Variants in EIF4E3 observed in about 807,000 individuals in gnomAD.
EIF4E3 encodes the protein eukaryotic translation initiation factor 4E family member 3.
A neutral mutation model predicts 31.7 loss-of-function variants in EIF4E3; 26 were observed. The observed-to-expected ratio is 0.82, with a 90% CI of 0.60 to 1.14. The LOEUF is 1.14. EIF4E3 is among the 50% of genes most tolerant of loss of function. The pLI is 0.00. For synonymous variants in EIF4E3, 128 were observed against 107.7 expected, an observed-to-expected ratio of 1.19 and a Z score of -1.17; for missense variants, 304 against 270.9, an observed-to-expected ratio of 1.12 and a Z score of -0.86.
At chr3:71,711,031 G>C (rs2049371222) in intron 1 of EIF4E3, among the ~76,000 whole-genome samples, 1 of 152,198 alleles carries the variant, frequency 6.6e-6, no homozygotes, top group Admixed American at 6.5e-5. Flanking sequence ...AATACTTTCA[G>C]TTCTTTTCTC....
intron 1 of EIF4E3, among the ~76,000 whole-genome samples, chr3:71,744,279 A>C (rs1381942247): frequency 6.6e-6 from 1 of 152,220 alleles, no homozygotes; most frequent in African/African-American, 2.4e-5. Flanking sequence ...TTATTGAAAA[A>C]ATATGGCAGG....
intron 3 of EIF4E3, 152 bp downstream of exon 3, chr3:71,699,462 G>T: frequency 1.4e-6 from 1 of 702,602 alleles, no homozygotes; most frequent in Non-Finnish European, 2.5e-6. Context: ...TAAAGAAGGA[G>T]GACACTTACC....
upstream of EIF4E3, chr3:71,754,029 G>T (rs770012002): frequency 6.9e-6 from 8 of 1,166,278 alleles, no homozygotes; most frequent in African/African-American, 1.3e-4. The surrounding 1 kb of genome is among the most constrained non-coding windows in gnomAD (Gnocchi z 5.8). Flanking sequence ...GGGGCGGAGC[G>T]CACGGCCTGG....
chr3:71,684,589 C>G lies in EIF4E3; in HGVS notation c.*93G>C. 1.3e-6 allele frequency: 2 copies of G among 1,502,974 alleles called. No individual in the cohort carries two copies. The highest frequency in any genetic ancestry group is 3.5e-5 in the Admixed American group (2 of 57,624). The allele number at this position is 1,502,974 out of a possible 1,614,324, so 93.1% of individuals were successfully genotyped here. ...AAACCCACTCTAAATTGACCAGCAT[C>G]GGCTTCGGCAAGTCTTCTCTTCACT... On this transcript the variant is annotated 3_prime_UTR_variant, in exon 7 of 7. Coordinates refer to ENST00000425534, the MANE Select transcript of EIF4E3 (RefSeq NM_001134651.2).
chr3:71,714,522 T>C (rs1292181146), intron 1 of EIF4E3, among the ~76,000 whole-genome samples: 1 of 152,114 alleles, frequency 6.6e-6, no homozygotes, highest in Admixed American at 6.5e-5. Context: ...TGGTAGTAAA[T>C]ACTTGGCGGG....
At chr3:71,743,159 GAAAA>G (rs752727197) in intron 1 of EIF4E3, among the ~76,000 whole-genome samples, 34 of 151,942 alleles carry the variant, frequency 2.2e-4, no homozygotes, top group Non-Finnish European at 4.7e-4. Context: ...AACAAGGCAA[GAAAA>G]AGAAATAAAA....
intron 1 of EIF4E3, among the ~76,000 whole-genome samples, chr3:71,742,987 G>C (rs988690424): frequency 2.6e-5 from 4 of 152,126 alleles, no homozygotes; most frequent in African/African-American, 9.7e-5. Flanking sequence ...AGTAGGAATG[G>C]AAGGGAACTT....
At chr3:71,744,270 T>C (rs190057720) in intron 1 of EIF4E3, among the ~76,000 whole-genome samples, 24 of 152,246 alleles carry the variant, frequency 1.6e-4, no homozygotes, top group African/African-American at 5.5e-4. Context: ...ATAAATGATT[T>C]ATTGAAAAAA....
upstream of EIF4E3, chr3:71,754,280 G>A (rs1179323067): frequency 4.3e-6 from 5 of 1,165,870 alleles, no homozygotes; most frequent in Admixed American, 4.2e-5. This position sits in a 1 kb window ranked among gnomAD's most constrained non-coding sequence, Gnocchi z 5.8. Context: ...CCGTCATGCT[G>A]GCGGCGCGGC....
intron 1 of EIF4E3, among the ~76,000 whole-genome samples, chr3:71,712,644 G>GGGGGGGGGGGGGGGGC (rs35405190): frequency 2.4e-5 from 3 of 123,988 alleles, no homozygotes; most frequent in Non-Finnish European, 4.9e-5. Flanking sequence ...GTGGGCGGGG[G>GGGGGGGGGGGGGGGGC]AGATTCTAGG....
chr3:71,713,004 T>G (rs1162555797), intron 1 of EIF4E3, among the ~76,000 whole-genome samples: 1 of 152,086 alleles, frequency 6.6e-6, no homozygotes, highest in Non-Finnish European at 1.5e-5. Flanking sequence ...ATTATCCAGG[T>G]TTTTTGAAGA....
rs1312067267 is a variant in EIF4E3, at chr3:71,679,907, TATAGA to T, written c.*4770_*4774del. ...CTGAACCCCAGATGCCATAAGACAT[TATAGA>T]AAAGTAGTTACTGCACATATGGAGT... is the stretch of plus-strand genomic sequence containing the variant. On this transcript the variant is annotated 3_prime_UTR_variant, in exon 7 of 7. Transcript: ENST00000425534. 1 of 152,188 alleles carries T rather than the reference TATAGA, an allele frequency of 6.6e-6. No individual in the cohort carries two copies. Among genetic ancestry groups the T allele is most frequent in the East Asian group, 1.9e-4 (1 of 5,200 alleles). 9.4% of individuals were successfully genotyped at this position (152,188 alleles called of 1,614,324 possible).
At position 71,682,866 on chromosome 3, in the gene EIF4E3, C is replaced by A. The variant is rs1427367063; in HGVS notation, c.*1816G>T. The A allele has an allele frequency of 1.3e-5, 2 of 152,486 alleles. No homozygotes were observed. Among genetic ancestry groups the A allele is most frequent in the Non-Finnish European group, 2.9e-5 (2 of 68,006 alleles). The allele number at this position is 152,486 out of a possible 1,614,324, so 9.4% of individuals were successfully genotyped here. On this transcript the variant is annotated 3_prime_UTR_variant, in exon 7 of 7. Coordinates refer to ENST00000425534, the MANE Select transcript of EIF4E3 (RefSeq NM_001134651.2). ...CATTTACTTATGGAAATATACATGA[C>A]AATTAGAGTGAAGTCAATTATATCC... is the stretch of plus-strand genomic sequence containing the variant.
chr3:71,660,793 C>G, the EIF4E3 span, among the ~76,000 whole-genome samples: 1 of 152,154 alleles, frequency 6.6e-6, no homozygotes, highest in South Asian at 2.1e-4. Flanking sequence ...AAGGAGATGT[C>G]GTTTTTGGAA....
intron 1 of EIF4E3, among the ~76,000 whole-genome samples, chr3:71,751,700 T>C (rs558705630): frequency 6.6e-6 from 1 of 152,260 alleles, no homozygotes; most frequent in South Asian, 2.1e-4. Context: ...TTGTTTATAA[T>C]GTAGGGCTTC....
At chr3:71,711,610 A>G (rs924679788) in intron 1 of EIF4E3, among the ~76,000 whole-genome samples, 6 of 152,230 alleles carry the variant, frequency 3.9e-5, no homozygotes, top group Admixed American at 3.3e-4. Context: ...AGGTTGGGGT[A>G]AGCACAGCAA....
chr3:71,746,942 G>A (rs1417299197), intron 1 of EIF4E3, among the ~76,000 whole-genome samples: 6 of 152,310 alleles, frequency 3.9e-5, no homozygotes, highest in Non-Finnish European at 7.3e-5. Flanking sequence ...GTTCATCCAC[G>A]CTGGAGCATC....
chr3:71,726,274 G>GGGA (rs1359421975), upstream of EIF4E3, among the ~76,000 whole-genome samples: 1 of 152,146 alleles, frequency 6.6e-6, no homozygotes, highest in Non-Finnish European at 1.5e-5. Flanking sequence ...CCGGCGAGTC[G>GGGA]GGAGGAGGAA....
chr3:71,752,260 G>C (rs1478755755), intron 1 of EIF4E3, among the ~76,000 whole-genome samples: 1 of 152,118 alleles, frequency 6.6e-6, no homozygotes, highest in Non-Finnish European at 1.5e-5. Context: ...TTTTAACAGG[G>C]TCCCCAGTGA....
Sources: allele counts gnomAD v4.1 joint callset (sites outside exome capture counted in the v4.1 genomes callset), GRCh38; gene constraint gnomAD v4.1.1; non-coding constraint Gnocchi (gnomAD v3.1); transcripts MANE v1.5; gene names NCBI Gene and HGNC (gene_info 2026-07-23, HGNC 2026-07-21).